The following NYNRIN variants were observed in gnomAD, a reference collection of about 807,000 sequenced individuals.
NYNRIN encodes protein NYNRIN.
In NYNRIN, 86 loss-of-function variants were observed where a neutral mutation model predicts 146.6. The ratio of observed to expected loss-of-function variants is 0.59; its 90% confidence interval spans 0.49 to 0.70. The LOEUF is 0.70. Ranked by LOEUF, NYNRIN falls within the 30% of genes least tolerant of loss-of-function variation. The probability of loss-of-function intolerance (pLI) is 0.00; values close to 1 mark genes in which losing one functional copy is unlikely to be tolerated. For synonymous variants in NYNRIN, 1,027 were observed against 1,001.3 expected, an observed-to-expected ratio of 1.03 and a Z score of -0.48; for missense variants, 2,191 against 2,377.7, an observed-to-expected ratio of 0.92 and a Z score of 1.63.
chr14:24,413,145 C>G, intron 7 of NYNRIN, 47 bp downstream of exon 7: 1 of 1,452,740 alleles, frequency 6.9e-7, no homozygotes, highest in South Asian at 1.2e-5. Flanking sequence ...CCTTGGATGT[C>G]AGGCAGCCCC....
chr14:24,406,361 C>T (rs553721084), intron 2 of NYNRIN, among the ~76,000 whole-genome samples: 38 of 152,174 alleles, frequency 2.5e-4, no homozygotes, highest in Non-Finnish European at 3.2e-4. Flanking sequence ...TGTTGTTTTC[C>T]GGTCATTGAA....
At chr14:24,413,508 A>G in intron 8 of NYNRIN, 91 bp downstream of exon 8, 1 of 777,926 alleles carries the variant, frequency 1.3e-6, no homozygotes, top group South Asian at 2.0e-5. Context: ...GTGCGTAATA[A>G]TGATCAGAGT....
intron 2 of NYNRIN, 60 bp downstream of exon 2, chr14:24,399,504 C>G (rs1022514220): frequency 2.8e-6 from 4 of 1,408,756 alleles, no homozygotes; most frequent in Admixed American, 2.1e-5. Flanking sequence ...TCTCCCCTTC[C>G]CCTGGGGAGA....
rs375520766 is a variant in NYNRIN at position 24,414,844 on chromosome 14, C to G, written c.3095C>G (p.Pro1032Arg). Reference protein sequence around the residue: ...SLASVFRVECPSLSEEILRCL... With the variant: ...SLASVFRVECRSLSEEILRCL... ...GCGTCAGTGTTCAGGGTGGAGTGCC[C>G]GTCCCTTTCGGAGGAGATCCTGCGG... The change falls in exon 9 of 9, where the codon CCG (proline) becomes CGG (arginine). Residue 1032 changes from proline to arginine, a missense_variant. Pro to Arg is a moderately radical substitution (Grantham distance 103). This residue lies in a region of NYNRIN where 1,291 missense variants were observed against 1,417.0 expected (regional missense o/e 0.91). Transcript: ENST00000382554. 1.9e-6 allele frequency: 3 copies of G among 1,612,440 alleles called. No homozygotes were observed. The highest frequency in any genetic ancestry group is 2.5e-6 in the Non-Finnish European group (3 of 1,178,850).
At position 24,417,131 on chromosome 14, in the gene NYNRIN, G is replaced by A. The variant is rs549665030; in HGVS notation, c.5382G>A (p.Val1794=). Residue 1794 remains valine, a synonymous_variant, in exon 9 of 9, where the codon GTG becomes GTA. Coordinates refer to ENST00000382554, the MANE Select transcript of NYNRIN (RefSeq NM_025081.3). The part of the protein sequence containing the change: ...LKMDVFLLQL[V]GELLELHWRV... ...TGGACGTCTTCCTGCTACAGCTGGT[G>A]GGGGAGCTGCTGGAGCTCCACTGGA... 37 of 1,613,942 alleles carry A rather than the reference G, an allele frequency of 2.3e-5. No individual in the cohort carries two copies. Among genetic ancestry groups the A allele is most frequent in the South Asian group, 7.7e-5 (7 of 91,072 alleles).
chr14:24,399,212 T>C lies in NYNRIN; in HGVS notation c.-17-18T>C. The C allele has an allele frequency of 6.2e-7, 1 of 1,605,518 alleles. No homozygotes were observed. The highest frequency in any genetic ancestry group is 2.2e-5 in the East Asian group (1 of 44,648). ...CCGCCCCGAGACCCGGGTGACACTATCGTCTCCTTCGTTCCAGGAGCGGGC... is the reference window on the plus strand; with the variant it reads ...CCGCCCCGAGACCCGGGTGACACTACCGTCTCCTTCGTTCCAGGAGCGGGC... On this transcript the variant is annotated intron_variant, in intron 1 of 8. Transcript: ENST00000382554.
chr14:24,408,788 C>T lies in NYNRIN; in HGVS notation c.994C>T (p.Leu332Phe). 6.2e-7 allele frequency: 1 copy of T among 1,614,074 alleles called. No homozygotes were observed. The change falls in exon 4 of 9, where the codon CTC (leucine) becomes TTC (phenylalanine). Residue 332 changes from leucine (L) to phenylalanine (F), a missense_variant. Leu to Phe is a conservative substitution (Grantham distance 22). Around this residue, in one of 3 missense-constraint regions of NYNRIN, gnomAD observed 895 missense variants for 941.2 expected, o/e 0.95. Transcript: ENST00000382554. The stretch of plus-strand genomic sequence containing the variant: ...GCAGGTCCAGAAGATAGAAGATAAA[C>T]TCCTCTTCCAACCTCCAGTATCAGC... The part of the protein sequence containing the change: ...QRQVQKIEDK[L>F]LFQPPVSALG...
Position 24,409,211 on chromosome 14 carries a change from A to G in NYNRIN, c.1417A>G (p.Ser473Gly), listed in dbSNP as rs2139347515. Residue 473 changes from serine to glycine, a missense_variant, in exon 4 of 9, where the codon AGC becomes GGC. Coordinates refer to ENST00000382554, the MANE Select transcript of NYNRIN (RefSeq NM_025081.3). The stretch of plus-strand genomic sequence containing the variant: ...GAGCTCAGATGTAAAAGACAAAGTT[A>G]GCTCGGATCTCCCACAGATAGGGCC... Reference protein sequence around the residue: ...PGSSDVKDKVSSDLPQIGPPL... With the variant: ...PGSSDVKDKVGSDLPQIGPPL... 1.2e-6 allele frequency: 2 copies of G among 1,613,970 alleles called. No individual in the cohort carries two copies. Among genetic ancestry groups the G allele is most frequent in the Non-Finnish European group, 1.7e-6 (2 of 1,179,864 alleles).
In NYNRIN at chr14:24,409,102, G is replaced by A. The variant is rs1320348522; in HGVS notation, c.1308G>A (p.Gly436=). The A allele has an allele frequency of 6.2e-7, 1 of 1,613,624 alleles. No homozygotes were observed. Among genetic ancestry groups the A allele is most frequent in the Non-Finnish European group, 8.5e-7 (1 of 1,179,816 alleles). ...AAAGCCCAGCTGGTAGACCAGATGG[G>A]GGGCTGGGAGGAGAAGCAGCCCTGC... ...SAESPAGRPD[G]GLGGEAALQN... is the part of the protein sequence containing the mutation. The change falls in exon 4 of 9, where the codon GGG becomes GGA. Residue 436 remains glycine (G), a synonymous_variant. Coordinates refer to ENST00000382554, the MANE Select transcript of NYNRIN (RefSeq NM_025081.3).
chr14:24,413,104 A>T lies in NYNRIN; in HGVS notation c.2744+6A>T. On this transcript the variant is annotated splice_donor_region_variant and intron_variant, in intron 7 of 8. Coordinates refer to ENST00000382554, the MANE Select transcript of NYNRIN (RefSeq NM_025081.3). ...AAACTGATGGTCAAAGATCGGTAAG[A>T]TGGTCCCCAGAGGCTTGAGCCATTC... 3 of 1,569,938 alleles carry T rather than the reference A, an allele frequency of 1.9e-6. No homozygotes were observed. The highest frequency in any genetic ancestry group is 2.6e-6 in the Non-Finnish European group (3 of 1,153,216).
intron 2 of NYNRIN, among the ~76,000 whole-genome samples, chr14:24,403,069 C>T (rs1467196554): frequency 1.3e-5 from 2 of 152,220 alleles, no homozygotes; most frequent in Non-Finnish European, 2.9e-5. Context: ...CTTTCACGGC[C>T]AGCCCCTCTT....
chr14:24,408,244 C>T lies in NYNRIN; in HGVS notation c.574C>T (p.Leu192=), dbSNP rs766168636. 3 of 1,608,818 alleles carry T rather than the reference C, an allele frequency of 1.9e-6. No homozygotes were observed. The highest frequency in any genetic ancestry group is 2.5e-6 in the Non-Finnish European group (3 of 1,179,516). ...AGCGGTCCAGGAGCTGCTGCTGAGCCTGGTGCGGGATGCTGCGGGCAAGGA... is the reference window on the plus strand; with the variant it reads ...AGCGGTCCAGGAGCTGCTGCTGAGCTTGGTGCGGGATGCTGCGGGCAAGGA... ...PPAVQELLLS[L]VRDAAGKEDI... is the part of the protein sequence containing the mutation. Residue 192 remains leucine, a synonymous_variant, in exon 3 of 9, where the codon CTG becomes TTG. Coordinates refer to ENST00000382554, the MANE Select transcript of NYNRIN (RefSeq NM_025081.3).
rs147608016 is a variant in NYNRIN at position 24,409,752 on chromosome 14, T to C, written c.1958T>C (p.Val653Ala). 9.9e-5 allele frequency: 159 copies of C among 1,610,348 alleles called. 1 individual carries two copies. The African/African-American group carries it at 1.6e-3, about 17-fold the overall frequency. Residue 653 changes from valine to alanine, a missense_variant, in exon 4 of 9, where the codon GTT becomes GCT. By Grantham distance (64) the Val-to-Ala change is moderately conservative (BLOSUM62 0). Transcript: ENST00000382554. ...GCTCAAGCCGGGCCTGCAGCTACAG[T>C]TTCCAAAGCACCTGCAGCTTCCAAA... ...PKAQAGPAAT[V>A]SKAPAASKAP... is the part of the protein sequence containing the mutation.
rs1452085594 is a variant in NYNRIN, at chr14:24,409,270, A to C, written c.1476A>C (p.Gly492=). 6.2e-7 allele frequency: 1 copy of C among 1,614,046 alleles called. No homozygotes were observed. Among genetic ancestry groups the C allele is most frequent in the Non-Finnish European group, 8.5e-7 (1 of 1,179,890 alleles). The stretch of plus-strand genomic sequence containing the variant: ...CCTCTACACCCCAACTACAGGCTGG[A>C]GGTGAGCCGGGGGATCAAGGGAGTA... ...PLTSTPQLQA[G]GEPGDQGSMQ... Residue 492 remains glycine (G), a synonymous_variant, in exon 4 of 9, where the codon GGA becomes GGC. Coordinates refer to ENST00000382554, the MANE Select transcript of NYNRIN (RefSeq NM_025081.3).
rs138467096 is a variant in NYNRIN at position 24,415,467 on chromosome 14, G to T, written c.3718G>T (p.Ala1240Ser). Residue 1240 changes from alanine (A) to serine (S), a missense_variant, in exon 9 of 9, where the codon GCG becomes TCG. Around this residue, in one of 3 missense-constraint regions of NYNRIN, gnomAD observed 1,291 missense variants for 1,417.0 expected, o/e 0.91. Transcript: ENST00000382554. The stretch of plus-strand genomic sequence containing the variant: ...CCTTTCCTATGCCTCCCGGACCACT[G>T]CGGACCCTGAGGTGCGGGAGGGCCG... Reference protein sequence around the residue: ...LDLSYASRTTADPEVREGRRV... With the variant: ...LDLSYASRTTSDPEVREGRRV... The T allele has an allele frequency of 5.4e-5, 87 of 1,613,912 alleles. No individual in the cohort carries two copies. In the African/African-American group the frequency reaches 8.5e-4, roughly 16 times the overall value.
chr14:24,417,368 G>T lies in NYNRIN; in HGVS notation c.5619G>T (p.Gly1873=). ...IWGFPTPEKL[G]CIYPSSLMKA... is the part of the protein sequence containing the mutation. ...GCTTCCCAACCCCAGAGAAGCTGGG[G>T]TGCATCTATCCCAGCAGTCTGATGA... Residue 1873 remains glycine (G), a synonymous_variant, in exon 9 of 9, where the codon GGG becomes GGT. Transcript: ENST00000382554. 2 of 1,592,666 alleles carry T rather than the reference G, an allele frequency of 1.3e-6. No homozygotes were observed. The highest frequency in any genetic ancestry group is 2.3e-5 in the South Asian group (2 of 88,658).
Position 24,414,950 on chromosome 14 carries a change from C to T in NYNRIN, c.3201C>T (p.Ile1067=). Residue 1067 remains isoleucine (I), a synonymous_variant, in exon 9 of 9, where the codon ATC becomes ATT. Coordinates refer to ENST00000382554, the MANE Select transcript of NYNRIN (RefSeq NM_025081.3). ...LPGAASPYLG[I]PWDGKAPCQQ... is the part of the protein sequence containing the mutation. The stretch of plus-strand genomic sequence containing the variant: ...GGGCAGCTTCTCCCTACCTGGGCAT[C>T]CCCTGGGATGGAAAGGCTCCCTGCC... The T allele has an allele frequency of 1.3e-6, 2 of 1,596,138 alleles. No individual in the cohort carries two copies. Among genetic ancestry groups the T allele is most frequent in the Non-Finnish European group, 1.7e-6 (2 of 1,167,176 alleles).
At position 24,410,082 on chromosome 14, in the gene NYNRIN, G is replaced by A; in HGVS notation, c.2288G>A (p.Ser763Asn). 1 of 1,614,000 alleles carries A rather than the reference G, an allele frequency of 6.2e-7. No individual in the cohort carries two copies. The highest frequency in any genetic ancestry group is 8.5e-7 in the Non-Finnish European group (1 of 1,179,910). ...RQPPRHLQAN[S>N]TVTSFQRYHE... ...CCACCTCGCCACCTGCAAGCGAACAGCACAGTGACCAGCTTCCAGAGGTAC... is the reference window on the plus strand; with the variant it reads ...CCACCTCGCCACCTGCAAGCGAACAACACAGTGACCAGCTTCCAGAGGTAC... The change falls in exon 4 of 9, where the codon AGC becomes AAC. Residue 763 changes from serine (S) to asparagine (N), a missense_variant. By Grantham distance (46) the Ser-to-Asn change is conservative. Transcript: ENST00000382554.
chr14:24,407,182 G>T (rs2042879750), intron 2 of NYNRIN, among the ~76,000 whole-genome samples: 1 of 152,222 alleles, frequency 6.6e-6, no homozygotes, highest in Admixed American at 6.5e-5. Context: ...TCTAGTATCA[G>T]AGCCTCTAGC....
Sources: allele counts gnomAD v4.1 joint callset (sites outside exome capture counted in the v4.1 genomes callset), GRCh38; gene constraint gnomAD v4.1.1; regional missense constraint gnomAD v4.1.1; transcripts MANE v1.5; gene names NCBI Gene and HGNC (gene_info 2026-07-23, HGNC 2026-07-21).